Variants in TAF11 observed in about 807,000 individuals in gnomAD.
TAF11 encodes the protein transcription initiation factor TFIID subunit 11.
TAF11 carries 10 observed loss-of-function variants against 23.0 expected under a neutral mutation model. That is an observed-to-expected ratio of 0.43 (90% CI 0.27 to 0.74). The LOEUF (loss-of-function observed/expected upper bound fraction) is 0.74. Ranked by LOEUF, TAF11 falls within the 30% of genes least tolerant of loss-of-function variation. The pLI is 0.19. For missense variants in TAF11, 196 were observed against 261.7 expected (o/e 0.75, Z 1.73); for synonymous variants, 85 against 95.8 (o/e 0.89, Z 0.66).
intron 4 of TAF11, chr6:34,879,250 G>A (rs113510075): frequency 3.3e-6 from 1 of 301,654 alleles, no homozygotes; most frequent in Non-Finnish European, 4.9e-6. Flanking sequence ...AGGTATGGTA[G>A]TGCACGCCTA....
At chr6:34,883,717 T>C (rs1242672168) in intron 1 of TAF11, among the ~76,000 whole-genome samples, 1 of 152,220 alleles carries the variant, frequency 6.6e-6, no homozygotes, top group Non-Finnish European at 1.5e-5. Flanking sequence ...ATTTTACTTA[T>C]GCTGGATGTT....
chr6:34,878,380 C>T lies in TAF11; in HGVS notation c.*210G>A, dbSNP rs1462405141. On this transcript the variant is annotated 3_prime_UTR_variant, in exon 5 of 5. Transcript: ENST00000361288. The stretch of plus-strand genomic sequence containing the variant: ...AGACAGTTAAATACTTCAAAATGCC[C>T]CAAGAGGTCCCAAAATTTAGTCAAG... 1.8e-6 allele frequency: 1 copy of T among 541,082 alleles called. No individual in the cohort carries two copies. The highest frequency in any genetic ancestry group is 3.3e-6 in the Non-Finnish European group (1 of 302,586). The allele number at this position is 541,082 out of a possible 1,614,324, so 33.5% of individuals were successfully genotyped here.
At chr6:34,886,729 G>C (rs370804519) in intron 1 of TAF11, among the ~76,000 whole-genome samples, 1 of 152,074 alleles carries the variant, frequency 6.6e-6, no homozygotes, top group East Asian at 2.0e-4. Context: ...GCCTCCCAAA[G>C]TGCTGGGATT....
intron 1 of TAF11, among the ~76,000 whole-genome samples, chr6:34,884,082 A>G (rs1381268623): frequency 6.6e-6 from 1 of 152,262 alleles, no homozygotes; most frequent in Non-Finnish European, 1.5e-5. Flanking sequence ...CCAAAGGAAT[A>G]TAAATTGTTC....
chr6:34,883,243 C>G, intron 1 of TAF11, 163 bp from the exon 2 acceptor site: 1 of 617,762 alleles, frequency 1.6e-6, no homozygotes, highest in East Asian at 3.3e-5. Context: ...CAGTATCTCT[C>G]CTAAGGGAAG....
chr6:34,883,182 T>C (rs1171238032), intron 1 of TAF11, 102 bp from the exon 2 acceptor site: 77 of 1,252,230 alleles, frequency 6.1e-5, no homozygotes, highest in Non-Finnish European at 8.3e-5. Context: ...AATCCATTTA[T>C]TGAGTAGTTT....
chr6:34,879,640 C>T (rs1007534986), intron 4 of TAF11: 10 of 985,340 alleles, frequency 1.0e-5, no homozygotes, highest in Non-Finnish European at 1.2e-5. Flanking sequence ...CCACACAGGT[C>T]ACCCCTGTGA....
At chr6:34,879,477 AAAT>A (rs1766379262) in intron 4 of TAF11, 2 of 971,794 alleles carry the variant, frequency 2.1e-6, no homozygotes, top group African/African-American at 1.8e-5. Flanking sequence ...CTGTCTCAAA[AAAT>A]AATAATAATT....
At chr6:34,879,417 AT>A in intron 4 of TAF11, 1 of 960,786 alleles carries the variant, frequency 1.0e-6, no homozygotes, top group Non-Finnish European at 1.2e-6. Flanking sequence ...ATTAAAAAAA[AT>A]AATAAAGATC....
intron 4 of TAF11, chr6:34,879,542 A>G (rs1766381324): frequency 1.0e-6 from 1 of 984,606 alleles, no homozygotes. Context: ...CACCAGCTAG[A>G]GTAGCAATGG....
At position 34,880,835 on chromosome 6, in the gene TAF11, A is replaced by G. The variant is rs554203826; in HGVS notation, c.321-459T>C. Among the ~76,000 whole-genome samples, 5 of 152,370 alleles carry G rather than the reference A, an allele frequency of 3.3e-5. No individual in the cohort carries two copies. Among genetic ancestry groups the G allele is most frequent in the Non-Finnish European group, 5.9e-5 (4 of 68,028 alleles). ...AATAAAGGGGCCATGTCAATTTTTGAAAATGAACAAAGTACATGAACAGGA... is the reference window on the plus strand; with the variant it reads ...AATAAAGGGGCCATGTCAATTTTTGGAAATGAACAAAGTACATGAACAGGA... On this transcript the variant is annotated intron_variant, in intron 2 of 4. Transcript: ENST00000361288. The surrounding 1 kb of genome is among the most constrained non-coding windows in gnomAD (Gnocchi z 4.8).
chr6:34,885,990 C>T (rs7769349), intron 1 of TAF11, among the ~76,000 whole-genome samples: 19 of 151,842 alleles, frequency 1.3e-4, no homozygotes, highest in African/African-American at 4.1e-4. Context: ...TAGCTGGGCG[C>T]GGTGGCACGT....
In TAF11 at chr6:34,887,951, C is replaced by T. The variant is rs367847591; in HGVS notation, c.7G>A (p.Asp3Asn). MD[D>N]AHESPSDKGG... is the part of the protein sequence containing the mutation. Reference sequence around the variant, plus strand: ...TTGTCGGAGGGCGACTCGTGGGCATCGTCCATCACGGATAGGATTGGAGGG... The same window carrying T: ...TTGTCGGAGGGCGACTCGTGGGCATTGTCCATCACGGATAGGATTGGAGGG... The change falls in exon 1 of 5, where the codon GAT (aspartate) becomes AAT (asparagine). Residue 3 changes from aspartate to asparagine, a missense_variant. Transcript: ENST00000361288. The T allele has an allele frequency of 6.2e-7, 1 of 1,614,036 alleles. No homozygotes were observed. Among genetic ancestry groups the T allele is most frequent in the Non-Finnish European group, 8.5e-7 (1 of 1,180,042 alleles).
chr6:34,878,282 A>C lies in TAF11; in HGVS notation c.*308T>G, dbSNP rs951892631. The C allele has an allele frequency of 7.2e-6, 2 of 276,564 alleles. No homozygotes were observed. Among genetic ancestry groups the C allele is most frequent in the African/African-American group, 2.2e-5 (1 of 46,200 alleles). The allele number at this position is 276,564 out of a possible 1,614,324, so 17.1% of individuals were successfully genotyped here. ...AAAACAAAACAAAACTCTCTTGGAA[A>C]GGTTTTCTCTCTGAAAGCAGTTCCC... On this transcript the variant is annotated 3_prime_UTR_variant, in exon 5 of 5. Transcript: ENST00000361288.
chr6:34,882,638 T>TA (rs1766459815), intron 2 of TAF11, among the ~76,000 whole-genome samples: 1 of 140,274 alleles, frequency 7.1e-6, no homozygotes, highest in Non-Finnish European at 1.5e-5. Flanking sequence ...AGTGAGACTC[T>TA]ATCTCAAAAA....
chr6:34,885,637 A>C (rs187140597), intron 1 of TAF11, among the ~76,000 whole-genome samples: 2 of 152,266 alleles, frequency 1.3e-5, no homozygotes, highest in Admixed American at 1.3e-4. Flanking sequence ...CTGTGTACTA[A>C]GCTAATTATT....
At chr6:34,881,551 T>A (rs777313425) in intron 2 of TAF11, among the ~76,000 whole-genome samples, 3 of 152,128 alleles carry the variant, frequency 2.0e-5, no homozygotes, top group Non-Finnish European at 4.4e-5. Context: ...ATGGAAAACA[T>A]TCACCATATC....
chr6:34,880,567 CTTCTT>C lies in TAF11; in HGVS notation c.321-196_321-192del, dbSNP rs1347911334. 1.3e-5 allele frequency among the ~76,000 whole-genome samples: 2 copies of C among 152,298 alleles called. No individual in the cohort carries two copies. Among genetic ancestry groups the C allele is most frequent in the Admixed American group, 1.3e-4 (2 of 15,290 alleles). ...AATTTGAGAAAACGTAAAACAAAAA[CTTCTT>C]TTCTTACCTGTTAACAAAAAGAACA... is the stretch of plus-strand genomic sequence containing the variant. On this transcript the variant is annotated intron_variant, in intron 2 of 4. Transcript: ENST00000361288. The surrounding 1 kb of genome is among the most constrained non-coding windows in gnomAD (Gnocchi z 4.8).
At chr6:34,887,227 A>T (rs1035419726) in intron 1 of TAF11, among the ~76,000 whole-genome samples, 6 of 152,118 alleles carry the variant, frequency 3.9e-5, no homozygotes, top group African/African-American at 1.4e-4. Context: ...GCGTGAACCC[A>T]GGAGGCGCAG....
Sources: gnomAD v4.1 joint callset for allele counts (sites outside exome capture counted in the v4.1 genomes callset) on GRCh38, gnomAD v4.1.1 for gene constraint, Gnocchi (gnomAD v3.1) non-coding constraint, MANE v1.5 for transcripts, NCBI Gene and HGNC (gene_info 2026-07-23, HGNC 2026-07-21) for gene names.